Variants in ARHGAP29 observed in about 807,000 individuals in gnomAD.
ARHGAP29 encodes the protein Rho GTPase activating protein 29, also known as rho GTPase-activating protein 29.
A neutral mutation model predicts 122.6 loss-of-function variants in ARHGAP29; 43 were observed. That is an observed-to-expected ratio of 0.35 (90% CI 0.27 to 0.45). The LOEUF (loss-of-function observed/expected upper bound fraction) is 0.45. Ranked by LOEUF, ARHGAP29 falls within the 20% of genes least tolerant of loss-of-function variation. The pLI is 1.00. For synonymous variants in ARHGAP29, 506 were observed against 497.1 expected (o/e 1.02, Z -0.24); for missense variants, 1,303 against 1,477.2 (o/e 0.88, Z 1.93).
At chr1:94,291,561 A>G in the ARHGAP29 span, among the ~76,000 whole-genome samples, 5 of 152,110 alleles carry the variant, frequency 3.3e-5, no homozygotes, top group African/African-American at 1.2e-4. Context: ...GGTCTTTACA[A>G]TTTGGCATGT....
intron 15 of ARHGAP29, among the ~76,000 whole-genome samples, chr1:94,188,422 C>T (rs1310395616): frequency 6.6e-6 from 1 of 151,684 alleles, no homozygotes; most frequent in Non-Finnish European, 1.5e-5. Flanking sequence ...AAGGTGGCTA[C>T]CTACATTCAC....
intron 12 of ARHGAP29, among the ~76,000 whole-genome samples, chr1:94,198,181 T>C (rs1008176803): frequency 3.7e-5 from 5 of 135,654 alleles, no homozygotes; most frequent in Non-Finnish European, 8.1e-5. Flanking sequence ...TTCTAAATAT[T>C]AACAATTAAA....
intron 3 of ARHGAP29, among the ~76,000 whole-genome samples, chr1:94,213,334 C>G (rs919777667): frequency 1.3e-5 from 2 of 152,180 alleles, no homozygotes; most frequent in African/African-American, 4.8e-5. Flanking sequence ...CACCCGCCAC[C>G]AGGCCCGGCC....
At chr1:94,195,031 G>T (rs1160853377) in intron 12 of ARHGAP29, 2 of 152,094 alleles carry the variant, frequency 1.3e-5, no homozygotes, top group African/African-American at 2.4e-5. Context: ...GTTTCTAAAT[G>T]ATAATTAGAG....
intron 2 of ARHGAP29, among the ~76,000 whole-genome samples, chr1:94,224,417 A>G (rs1480880949): frequency 2.0e-5 from 3 of 152,240 alleles, no homozygotes; most frequent in African/African-American, 7.2e-5. Flanking sequence ...CAGAATGCCA[A>G]CGACAACCAT....
At chr1:94,190,515 T>C (rs943688712) in intron 12 of ARHGAP29, 2 of 153,968 alleles carry the variant, frequency 1.3e-5, no homozygotes, top group African/African-American at 4.8e-5. Flanking sequence ...CCTATAAAAA[T>C]AGAAATGCTT....
At chr1:94,268,925 T>C (rs1654887606) in intron 1 of ARHGAP29, among the ~76,000 whole-genome samples, 1 of 152,172 alleles carries the variant, frequency 6.6e-6, no homozygotes, top group Non-Finnish European at 1.5e-5. Context: ...TGTATGTATA[T>C]ATATACACAC....
At chr1:94,199,474 ACTCT>A (rs1650700894) in intron 12 of ARHGAP29, among the ~76,000 whole-genome samples, 1 of 151,902 alleles carries the variant, frequency 6.6e-6, no homozygotes, top group African/African-American at 2.4e-5. Flanking sequence ...TGAGAGACTG[ACTCT>A]CTCTGGGCTA....
rs1480253906 is a variant in ARHGAP29 at position 94,174,131 on chromosome 1, C to T, written c.3524G>A (p.Ser1175Asn). 1 of 1,614,032 alleles carries T rather than the reference C, an allele frequency of 6.2e-7. No homozygotes were observed. The highest frequency in any genetic ancestry group is 8.5e-7 in the Non-Finnish European group (1 of 1,180,044). The stretch of plus-strand genomic sequence containing the variant: ...TGGCTTCTCCTCATTCCCCCTGATA[C>T]TGATGATGGGAGCATGTGGTTTATA... ...TFYKPHAPIISIRGNEEKPAS... is the reference protein window; with the variant it reads ...TFYKPHAPIINIRGNEEKPAS... The change falls in exon 23 of 23, where the codon AGT becomes AAT. Residue 1175 changes from serine to asparagine, a missense_variant. Around this residue, in one of 3 missense-constraint regions of ARHGAP29, gnomAD observed 620 missense variants for 651.2 expected, o/e 0.95. Coordinates refer to ENST00000260526, the MANE Select transcript of ARHGAP29 (RefSeq NM_004815.4).
At chr1:94,184,781 C>T (rs1258171064) in intron 18 of ARHGAP29, 91 bp downstream of exon 18, 2 of 1,107,292 alleles carry the variant, frequency 1.8e-6, no homozygotes, top group African/African-American at 1.6e-5. Context: ...AAAAAAACCC[C>T]TGAGCATTAT....
rs1274679587 is a variant in ARHGAP29 at position 94,171,299 on chromosome 1, G to C, written c.*2570C>G. ...GTATCAAAACAAATACACTGCCTAA[G>C]GTACACTAAAAGTAATTTAACATAC... On this transcript the variant is annotated 3_prime_UTR_variant, in exon 23 of 23. Coordinates refer to ENST00000260526, the MANE Select transcript of ARHGAP29 (RefSeq NM_004815.4). Among the ~76,000 whole-genome samples the C allele has an allele frequency of 6.6e-6, 1 of 152,014 alleles. No individual in the cohort carries two copies. The highest frequency in any genetic ancestry group is 2.4e-5 in the African/African-American group (1 of 41,370).
At chr1:94,210,757 G>C (rs1651540442) in intron 3 of ARHGAP29, among the ~76,000 whole-genome samples, 1 of 152,038 alleles carries the variant, frequency 6.6e-6, no homozygotes, top group Non-Finnish European at 1.5e-5. Context: ...TAAGAAATAG[G>C]CTGGGTGTGG....
intron 1 of ARHGAP29, among the ~76,000 whole-genome samples, chr1:94,267,742 C>T (rs75266253): frequency 0.026 from 3,990 of 151,736 alleles, 180 homozygotes; most frequent in African/African-American, 0.092. Context: ...AATTACATAA[C>T]TTTTCCAAGA....
intron 2 of ARHGAP29, among the ~76,000 whole-genome samples, chr1:94,224,203 T>C (rs1164638332): frequency 1.3e-5 from 2 of 152,210 alleles, no homozygotes; most frequent in Admixed American, 6.5e-5. Flanking sequence ...TGGTATATGC[T>C]AGTACTTCTG....
chr1:94,191,782 C>T (rs1025482757), intron 12 of ARHGAP29: 1 of 152,132 alleles, frequency 6.6e-6, no homozygotes, highest in African/African-American at 2.4e-5. Context: ...TTCTGCATTC[C>T]TCATAGGCTC....
In ARHGAP29 at chr1:94,185,026, T is replaced by A. The variant is rs1446059622; in HGVS notation, c.1955A>T (p.Asn652Ile). 1 of 1,612,074 alleles carries A rather than the reference T, an allele frequency of 6.2e-7. No individual in the cohort carries two copies. The highest frequency in any genetic ancestry group is 8.5e-7 in the Non-Finnish European group (1 of 1,179,448). The change falls in exon 18 of 23, where the codon AAT (asparagine) becomes ATT (isoleucine). Residue 652 changes from asparagine to isoleucine, a missense_variant. This residue lies in a region of ARHGAP29 where 91 missense variants were observed against 177.8 expected (regional missense o/e 0.51). Coordinates refer to ENST00000260526, the MANE Select transcript of ARHGAP29 (RefSeq NM_004815.4). Reference sequence around the variant, plus strand: ...CTGATGACCACAAATAATGACTAAATTTTCCAAACACTTTCGATGACAAAC... The same window carrying A: ...CTGATGACCACAAATAATGACTAAAATTTCCAAACACTTTCGATGACAAAC... ...LLVCHRKCLE[N>I]LVIICGHQKL...
At chr1:94,175,393 C>T (rs1202105170) in intron 22 of ARHGAP29, among the ~76,000 whole-genome samples, 2 of 152,208 alleles carry the variant, frequency 1.3e-5, no homozygotes, top group African/African-American at 4.8e-5. Flanking sequence ...GCCTCAGTTC[C>T]TGCATCTATC....
At chr1:94,248,271 A>G (rs1653913046) in intron 1 of ARHGAP29, 1 of 152,266 alleles carries the variant, frequency 6.6e-6, no homozygotes, top group Admixed American at 6.5e-5. Context: ...TGCTCAGTAG[A>G]TGCTAGTTGA....
chr1:94,183,899 A>G (rs112783372), intron 19 of ARHGAP29, among the ~76,000 whole-genome samples: 93 of 152,304 alleles, frequency 6.1e-4, no homozygotes, highest in African/African-American at 2.2e-3. Flanking sequence ...GAAGAGGAAC[A>G]TGGGGGTTTT....
Sources: gnomAD v4.1 joint callset for allele counts (sites outside exome capture counted in the v4.1 genomes callset) on GRCh38, gnomAD v4.1.1 for gene constraint, gnomAD v4.1.1 regional missense constraint, MANE v1.5 for transcripts, NCBI Gene and HGNC (gene_info 2026-07-23, HGNC 2026-07-21) for gene names.